LINGO2: variants seen among roughly 807,000 people sequenced by gnomAD.
The protein encoded by LINGO2 is leucine rich repeat and Ig domain containing 2.
In LINGO2, 14 loss-of-function variants were observed where a neutral mutation model predicts 30.6. That is an observed-to-expected ratio of 0.46 (90% CI 0.30 to 0.72). The LOEUF is 0.72. Among genes scored for constraint, LINGO2 ranks in the 30% least tolerant of loss-of-function variants. The probability of loss-of-function intolerance (pLI) is 0.07; values close to 1 mark genes in which losing one functional copy is unlikely to be tolerated. For missense variants in LINGO2, 729 were observed against 751.7 expected, an observed-to-expected ratio of 0.97 and a Z score of 0.35; for synonymous variants, 317 against 288.5, an observed-to-expected ratio of 1.10 and a Z score of -1.00.
intron 4 of LINGO2, among the ~76,000 whole-genome samples, chr9:28,275,274 C>T (rs780862349): frequency 6.6e-6 from 1 of 151,838 alleles, no homozygotes. Context: ...GGGGTTTTAC[C>T]GTGTTAGCCA....
chr9:28,909,308 T>C, the LINGO2 span, among the ~76,000 whole-genome samples: 1 of 151,958 alleles, frequency 6.6e-6, no homozygotes, highest in Non-Finnish European at 1.5e-5. Flanking sequence ...GTAATGCTTA[T>C]ATCAGCATAA....
At chr9:28,077,954 A>C (rs909187430) in intron 4 of LINGO2, among the ~76,000 whole-genome samples, 5 of 148,826 alleles carry the variant, frequency 3.4e-5, no homozygotes, top group Non-Finnish European at 7.4e-5. Context: ...TTAAGCGTCA[A>C]CTCTAGAGAA....
chr9:28,376,078 C>T (rs936058898), intron 2 of LINGO2, among the ~76,000 whole-genome samples: 3 of 148,052 alleles, frequency 2.0e-5, no homozygotes, highest in African/African-American at 7.5e-5. Context: ...ATTTTGTGAA[C>T]TTTCCTTGCT....
chr9:28,439,251 G>GTGTATA (rs201540785), intron 2 of LINGO2, among the ~76,000 whole-genome samples: 8 of 151,010 alleles, frequency 5.3e-5, no homozygotes, highest in Non-Finnish European at 7.4e-5. Flanking sequence ...ATATGTGTGT[G>GTGTATA]TGTATATGTA....
intron 5 of LINGO2, among the ~76,000 whole-genome samples, chr9:27,952,658 G>A (rs955676213): frequency 6.6e-6 from 1 of 151,880 alleles, no homozygotes; most frequent in South Asian, 2.1e-4. Flanking sequence ...TGTTAAAGGC[G>A]GCATTTTAAA....
chr9:28,772,627 C>T, the LINGO2 span, among the ~76,000 whole-genome samples: 1 of 152,204 alleles, frequency 6.6e-6, no homozygotes, highest in Admixed American at 6.5e-5. Context: ...TTCTTCTAGG[C>T]CTTACATTTT....
intron 1 of LINGO2, among the ~76,000 whole-genome samples, chr9:28,556,712 A>C (rs1372544554): frequency 6.6e-6 from 1 of 151,992 alleles, no homozygotes; most frequent in Non-Finnish European, 1.5e-5. Context: ...CAAAAGAACA[A>C]AGCTGGAGGC....
the LINGO2 span, among the ~76,000 whole-genome samples, chr9:29,158,520 A>G: frequency 6.6e-6 from 1 of 151,598 alleles, no homozygotes; most frequent in African/African-American, 2.4e-5. Context: ...ATAAAATAAT[A>G]TGCTCTCAAG....
chr9:28,256,099 T>C (rs1336147008), intron 4 of LINGO2, among the ~76,000 whole-genome samples: 6 of 152,032 alleles, frequency 3.9e-5, no homozygotes, highest in Non-Finnish European at 4.4e-5. Context: ...CAAAGAGATA[T>C]AGACCAACGA....
the LINGO2 span, among the ~76,000 whole-genome samples, chr9:28,793,926 G>C: frequency 6.6e-6 from 1 of 152,142 alleles, no homozygotes; most frequent in Non-Finnish European, 1.5e-5. Context: ...CCAAGTACTT[G>C]TCAGATCTTC....
At chr9:28,734,450 T>C in the LINGO2 span, among the ~76,000 whole-genome samples, 1 of 152,174 alleles carries the variant, frequency 6.6e-6, no homozygotes, top group Non-Finnish European at 1.5e-5. Context: ...GAAACTGAAA[T>C]TGCAGAAGGT....
the LINGO2 span, among the ~76,000 whole-genome samples, chr9:29,028,419 T>G: frequency 1.6e-3 from 102 of 64,024 alleles, no homozygotes; most frequent in South Asian, 3.0e-3. Context: ...GGGTAGTGTG[T>G]GGGGGGGGGT....
At chr9:28,566,687 T>C (rs1412733944) in intron 1 of LINGO2, among the ~76,000 whole-genome samples, 1 of 152,164 alleles carries the variant, frequency 6.6e-6, no homozygotes, top group Non-Finnish European at 1.5e-5. Context: ...GCTGATTGGC[T>C]AATAAAATGA....
intron 2 of LINGO2, among the ~76,000 whole-genome samples, chr9:28,473,906 A>T (rs527389883): frequency 7.1e-4 from 108 of 152,236 alleles, no homozygotes; most frequent in African/African-American, 2.5e-3. Flanking sequence ...AAGAAAAAAA[A>T]ACTTATTTCT....
chr9:28,575,334 G>A (rs1823906351), intron 1 of LINGO2, among the ~76,000 whole-genome samples: 2 of 151,728 alleles, frequency 1.3e-5, no homozygotes, highest in African/African-American at 4.8e-5. Context: ...CGGCGGCAGA[G>A]GTTGCAGTGA....
At position 28,310,428 on chromosome 9, in the gene LINGO2, G is replaced by C. The variant is rs568145113; in HGVS notation, c.-245-15062C>G. On this transcript the variant is annotated intron_variant, in intron 3 of 5. Transcript: ENST00000379992. ...AAAATAATTATGCTGCATGAAAGAA[G>C]CCAGATTCTTCTGCAGCCCTCCAAA... Among the ~76,000 whole-genome samples the C allele has an allele frequency of 3.5e-4, 54 of 152,246 alleles. No individual in the cohort carries two copies. The South Asian group carries it at 0.011, about 30-fold the overall frequency.
chr9:28,396,621 G>A (rs1198823440), intron 2 of LINGO2, among the ~76,000 whole-genome samples: 3 of 149,122 alleles, frequency 2.0e-5, no homozygotes, highest in Non-Finnish European at 3.0e-5. Flanking sequence ...GGAGAATGGC[G>A]TGAACCCGGG....
intron 4 of LINGO2, among the ~76,000 whole-genome samples, chr9:28,058,439 G>A (rs1225346054): frequency 6.6e-6 from 1 of 152,082 alleles, no homozygotes; most frequent in African/African-American, 2.4e-5. Flanking sequence ...CAATACATAG[G>A]TATAAAAATG....
chr9:28,550,053 A>G (rs1822193146), intron 1 of LINGO2, among the ~76,000 whole-genome samples: 1 of 151,904 alleles, frequency 6.6e-6, no homozygotes, highest in African/African-American at 2.4e-5. Context: ...AAAAGTATCT[A>G]TCTTTGCATT....
Sources: gnomAD v4.1 joint callset for allele counts (sites outside exome capture counted in the v4.1 genomes callset) on GRCh38, gnomAD v4.1.1 for gene constraint, MANE v1.5 for transcripts, NCBI Gene and HGNC (gene_info 2026-07-23, HGNC 2026-07-21) for gene names.